Variants in BMPR2 observed in about 807,000 individuals in gnomAD.
BMPR2 encodes the protein bone morphogenetic protein receptor type-2.
A neutral mutation model predicts 100.8 loss-of-function variants in BMPR2; 29 were observed. That is an observed-to-expected ratio of 0.29 (90% confidence interval 0.21 to 0.39). The LOEUF (loss-of-function observed/expected upper bound fraction) is 0.39, where lower values mean the gene tolerates loss of function less well. BMPR2 is among the 10% of genes least tolerant of loss of function. The pLI is 1.00. For missense variants in BMPR2, 1,011 were observed against 1,274.5 expected, an observed-to-expected ratio of 0.79 and a Z score of 3.15; for synonymous variants, 382 against 442.3, an observed-to-expected ratio of 0.86 and a Z score of 1.71.
chr2:202,508,474 A>G (rs1411958651), intron 3 of BMPR2, among the ~76,000 whole-genome samples: 1 of 152,214 alleles, frequency 6.6e-6, no homozygotes, highest in Non-Finnish European at 1.5e-5. Flanking sequence ...ATCCCACTGT[A>G]GGAGATTTTA....
In BMPR2 at chr2:202,557,405, A is replaced by G. The variant is rs544945503; in HGVS notation, c.2866+874A>G. ...TTGAACCCAGGAGGCGGAGGTTGCA[A>G]TGAGCCGAGACTATGCCACTGCACT... On this transcript the variant is annotated intron_variant, in intron 12 of 12. Transcript: ENST00000374580. Among the ~76,000 whole-genome samples the G allele has an allele frequency of 7.9e-4, 117 of 147,342 alleles. 1 individual carries two copies. The South Asian group carries it at 0.025, about 31-fold the overall frequency.
At chr2:202,551,193 C>T (rs1261729658) in intron 10 of BMPR2, among the ~76,000 whole-genome samples, 1 of 151,668 alleles carries the variant, frequency 6.6e-6, no homozygotes, top group East Asian at 1.9e-4. Flanking sequence ...AAAAACAAAC[C>T]TAGTCTGTTT....
intron 6 of BMPR2, 41 bp downstream of exon 6, chr2:202,519,093 G>A (rs771324082): frequency 1.3e-6 from 2 of 1,590,998 alleles, no homozygotes; most frequent in African/African-American, 2.7e-5. Context: ...CAGGTGTGGT[G>A]GCTTATGCCT....
At chr2:202,382,365 A>G (rs1690321937) in intron 1 of BMPR2, among the ~76,000 whole-genome samples, 1 of 151,842 alleles carries the variant, frequency 6.6e-6, no homozygotes, top group Non-Finnish European at 1.5e-5. Context: ...AAATTTTTTT[A>G]TTTTTAGTAG....
At chr2:202,441,722 A>C (rs1374376808) in intron 1 of BMPR2, among the ~76,000 whole-genome samples, 1 of 138,982 alleles carries the variant, frequency 7.2e-6, no homozygotes, top group Non-Finnish European at 1.5e-5. Flanking sequence ...CGTCTCAAAA[A>C]AAAAAAAAAA....
At chr2:202,396,814 A>G (rs927392941) in intron 1 of BMPR2, among the ~76,000 whole-genome samples, 1 of 150,372 alleles carries the variant, frequency 6.7e-6, no homozygotes, top group African/African-American at 2.4e-5. Flanking sequence ...TTTGAAACGG[A>G]GTTTCGGAGT....
intron 3 of BMPR2, among the ~76,000 whole-genome samples, chr2:202,506,608 T>C (rs1435541595): frequency 6.6e-6 from 1 of 152,120 alleles, no homozygotes; most frequent in East Asian, 1.9e-4. Context: ...AGGGCACATA[T>C]TCTGTCCATA....
At chr2:202,390,597 G>A (rs1460603903) in intron 1 of BMPR2, among the ~76,000 whole-genome samples, 1 of 152,106 alleles carries the variant, frequency 6.6e-6, no homozygotes, top group Non-Finnish European at 1.5e-5. Context: ...CTCCCAAAGT[G>A]CTGAGATTAC....
Position 202,377,217 on chromosome 2 carries a change from C to T in BMPR2, c.-258C>T. The T allele has an allele frequency of 3.3e-6, 2 of 604,120 alleles. No homozygotes were observed. The allele number at this position is 604,120 out of a possible 1,614,324, so 37.4% of individuals were successfully genotyped here. A position where few individuals can be genotyped will look rare whatever the true frequency, so the allele number is the denominator to read the frequency against. Reference sequence around the variant, plus strand: ...CCTGCTTTCCCCACAGACATGCCTTCCGTTTGGAGGGCCGCGGCACCCCGT... The same window carrying T: ...CCTGCTTTCCCCACAGACATGCCTTTCGTTTGGAGGGCCGCGGCACCCCGT... On this transcript the variant is annotated 5_prime_UTR_variant, in exon 1 of 13. Transcript: ENST00000374580.
chr2:202,552,578 C>A, intron 10 of BMPR2, 138 bp from the exon 11 acceptor site: 1 of 847,932 alleles, frequency 1.2e-6, no homozygotes. Flanking sequence ...ATCCTTGAAG[C>A]CTAAAATATG....
intron 11 of BMPR2, among the ~76,000 whole-genome samples, chr2:202,554,954 T>C (rs753432340): frequency 1.2e-4 from 18 of 152,186 alleles, no homozygotes; most frequent in Non-Finnish European, 1.9e-4. Flanking sequence ...TTTCATGATG[T>C]TATAAAACTA....
At chr2:202,482,495 T>A (rs995399298) in intron 3 of BMPR2, among the ~76,000 whole-genome samples, 1 of 151,874 alleles carries the variant, frequency 6.6e-6, no homozygotes, top group South Asian at 2.1e-4. Context: ...TGCCTCAGCC[T>A]CCCGGGTAGC....
intron 3 of BMPR2, among the ~76,000 whole-genome samples, chr2:202,493,769 G>T (rs1692961241): frequency 6.6e-6 from 1 of 152,056 alleles, no homozygotes. Context: ...TTTTGGCGGG[G>T]GTGGAATTTA....
At chr2:202,542,256 A>C in intron 9 of BMPR2, 55 bp from the exon 10 acceptor site, 1 of 1,598,892 alleles carries the variant, frequency 6.3e-7, no homozygotes, top group Non-Finnish European at 8.6e-7. Flanking sequence ...CTGTTATTCT[A>C]TCATTTATGA....
intron 5 of BMPR2, among the ~76,000 whole-genome samples, 158 bp downstream of exon 5, chr2:202,515,137 G>C (rs1687690298): frequency 6.6e-6 from 1 of 152,088 alleles, no homozygotes. Context: ...TAGGAACATA[G>C]GTGAACAATG....
chr2:202,503,874 A>G lies in BMPR2; in HGVS notation c.419-9845A>G, dbSNP rs1687460522. ...CATGGAGAACCTTTATGTCTAGCTC[A>G]GGGATTGTAAATACACCAATAGGCA... On this transcript the variant is annotated intron_variant, in intron 3 of 12. Coordinates refer to ENST00000374580, the MANE Select transcript of BMPR2 (RefSeq NM_001204.7). This position sits in a 1 kb window ranked among gnomAD's most constrained non-coding sequence, Gnocchi z 4.0. 6.6e-6 allele frequency among the ~76,000 whole-genome samples: 1 copy of G among 152,218 alleles called. No individual in the cohort carries two copies. The highest frequency in any genetic ancestry group is 2.4e-5 in the African/African-American group (1 of 41,456).
At chr2:202,445,795 A>G (rs1167309332) in intron 1 of BMPR2, among the ~76,000 whole-genome samples, 2 of 119,912 alleles carry the variant, frequency 1.7e-5, no homozygotes, top group African/African-American at 6.8e-5. Context: ...TTTTTTTGAG[A>G]CGGGAGTCTT....
In BMPR2 at chr2:202,465,271, C is replaced by T. The variant is rs11688990; in HGVS notation, c.247+292C>T. ...GGGTATGGTGGTGTGCGCCTGTGGT[C>T]CCAGCTACTCAGTAGGCTGAGGCAG... On this transcript the variant is annotated intron_variant, in intron 2 of 12. Coordinates refer to ENST00000374580, the MANE Select transcript of BMPR2 (RefSeq NM_001204.7). Among the ~76,000 whole-genome samples, 1,066 of 151,792 alleles carry T rather than the reference C, an allele frequency of 7.0e-3. 5 individuals are homozygous for T. The highest frequency in any genetic ancestry group is 0.026 in the South Asian group (125 of 4,790).
chr2:202,559,304 A>T (rs4675283), intron 12 of BMPR2, among the ~76,000 whole-genome samples: 19 of 131,114 alleles, frequency 1.4e-4, no homozygotes, highest in South Asian at 2.2e-4. Flanking sequence ...TCCATCCCCC[A>T]AAAAAAAAAA....
Sources: allele counts gnomAD v4.1 joint callset (sites outside exome capture counted in the v4.1 genomes callset), GRCh38; gene constraint gnomAD v4.1.1; non-coding constraint Gnocchi (gnomAD v3.1); transcripts MANE v1.5; gene names NCBI Gene and HGNC (gene_info 2026-07-23, HGNC 2026-07-21).